Variants in CSMD1 observed in about 807,000 individuals in gnomAD.
The protein encoded by CSMD1 is CUB and sushi domain-containing protein 1.
A neutral mutation model predicts 417.5 loss-of-function variants in CSMD1; 213 were observed. The ratio of observed to expected loss-of-function variants is 0.51; its 90% CI spans 0.46 to 0.57. The LOEUF (loss-of-function observed/expected upper bound fraction) is 0.57. Among genes scored for constraint, CSMD1 ranks in the 20% least tolerant of loss-of-function variants. The pLI is 0.00. For missense variants in CSMD1, 6,923 were observed against 4,529.7 expected (o/e 1.53, Z -15.17); for synonymous variants, 2,862 against 1,736.8 (o/e 1.65, Z -16.11).
At position 2,961,130 on chromosome 8, in the gene CSMD1, T is replaced by A. The variant is rs1803438036; in HGVS notation, c.9702+11A>T. On this transcript the variant is annotated intron_variant, in intron 62 of 69. Coordinates refer to ENST00000635120, the MANE Select transcript of CSMD1 (RefSeq NM_033225.6). ...CCAGAAAGAAAACATAGTAAATTCA[T>A]AATGAACTACCTCATAGCCTCTGGA... The A allele has an allele frequency of 2.6e-6, 4 of 1,516,068 alleles. No individual in the cohort carries two copies. The South Asian group carries it at 3.9e-5, about 15-fold the overall frequency. The allele number at this position is 1,516,068 out of a possible 1,614,324, so 93.9% of individuals were successfully genotyped here. A position where few individuals can be genotyped will look rare whatever the true frequency, so the allele number is the denominator to read the frequency against.
chr8:4,202,005 C>T (rs186530504), intron 3 of CSMD1, among the ~76,000 whole-genome samples: 2 of 152,000 alleles, frequency 1.3e-5, no homozygotes, highest in Admixed American at 1.3e-4. Context: ...TGATTATACT[C>T]TGGATGAGAA....
At chr8:4,962,914 T>C (rs1809603102) in intron 1 of CSMD1, among the ~76,000 whole-genome samples, 1 of 152,172 alleles carries the variant, frequency 6.6e-6, no homozygotes, top group African/African-American at 2.4e-5. Context: ...TCCACTTTTC[T>C]GGTAGTAAAG....
intron 5 of CSMD1, among the ~76,000 whole-genome samples, chr8:3,874,660 T>C (rs1350768944): frequency 2.0e-5 from 3 of 152,134 alleles, no homozygotes; most frequent in African/African-American, 7.2e-5. Flanking sequence ...GCTGCCATGT[T>C]TTTCTCTGTG....
intron 2 of CSMD1, among the ~76,000 whole-genome samples, chr8:4,514,575 G>C (rs1219030052): frequency 6.6e-6 from 1 of 152,186 alleles, no homozygotes; most frequent in South Asian, 2.1e-4. Flanking sequence ...CTTAGCTACT[G>C]AGACCGCTTG....
intron 26 of CSMD1, among the ~76,000 whole-genome samples, chr8:3,272,898 C>G (rs564791470): frequency 6.7e-6 from 1 of 149,746 alleles, no homozygotes; most frequent in East Asian, 2.0e-4. Context: ...TTGACTTCCT[C>G]TTTTCCTAAT....
At chr8:4,815,292 C>G (rs1247728674) in intron 1 of CSMD1, among the ~76,000 whole-genome samples, 1 of 151,984 alleles carries the variant, frequency 6.6e-6, no homozygotes, top group Non-Finnish European at 1.5e-5. Context: ...GCATTTGTGT[C>G]CTTCCCTGCT....
rs190160341 is a variant in CSMD1 at position 3,696,824 on chromosome 8, A to C, written c.1009+11590T>G. Reference sequence around the variant, plus strand: ...CTTCTACTCTTTATCATTTGAATTAAAATGTATTCCCATAGTTTAAATTCC... The same window carrying C: ...CTTCTACTCTTTATCATTTGAATTACAATGTATTCCCATAGTTTAAATTCC... On this transcript the variant is annotated intron_variant, in intron 7 of 69. Transcript: ENST00000635120. Among the ~76,000 whole-genome samples, 171 of 152,332 alleles carry C rather than the reference A, an allele frequency of 1.1e-3. 1 individual carries two copies. Among genetic ancestry groups the C allele is most frequent in the Non-Finnish European group, 2.0e-3 (135 of 68,034 alleles).
At chr8:3,897,594 T>G (rs1300346201) in intron 5 of CSMD1, among the ~76,000 whole-genome samples, 1 of 151,976 alleles carries the variant, frequency 6.6e-6, no homozygotes, top group African/African-American at 2.4e-5. Flanking sequence ...AGGCTATGCA[T>G]TTTAAGTAAC....
At chr8:4,525,075 C>G (rs559168133) in intron 2 of CSMD1, among the ~76,000 whole-genome samples, 3 of 152,212 alleles carry the variant, frequency 2.0e-5, no homozygotes, top group Admixed American at 1.3e-4. Context: ...AACTGCAAGT[C>G]AAATACATCA....
At chr8:2,974,883 T>C (rs975429551) in intron 55 of CSMD1, among the ~76,000 whole-genome samples, 2 of 152,180 alleles carry the variant, frequency 1.3e-5, no homozygotes, top group African/African-American at 2.4e-5. Flanking sequence ...GAAATTTACA[T>C]GTGGATTTTC....
chr8:4,029,916 G>A (rs576203677), intron 4 of CSMD1, among the ~76,000 whole-genome samples: 17 of 152,148 alleles, frequency 1.1e-4, no homozygotes, highest in South Asian at 4.2e-4. Context: ...AGGGTCTACT[G>A]GCCCTATGTA....
At chr8:4,828,893 C>T (rs776815848) in intron 1 of CSMD1, among the ~76,000 whole-genome samples, 12 of 152,076 alleles carry the variant, frequency 7.9e-5, no homozygotes, top group Non-Finnish European at 1.3e-4. Flanking sequence ...TCCACATCCT[C>T]GTCCCAGTAC....
rs1176460384 is a variant in CSMD1 at position 3,018,535 on chromosome 8, A to C, written c.7971T>G (p.Ser2657=). The C allele has an allele frequency of 1.2e-6, 2 of 1,613,940 alleles. No individual in the cohort carries two copies. Among genetic ancestry groups the C allele is most frequent in the South Asian group, 1.1e-5 (1 of 91,084 alleles). ...TCNTGYTLVG[S]HVRECLANGL... Reference sequence around the variant, plus strand: ...CATTTGCCAAGCACTCTCTGACATGAGACCCCACAAGCGTGTAGCCGGTGT... The same window carrying C: ...CATTTGCCAAGCACTCTCTGACATGCGACCCCACAAGCGTGTAGCCGGTGT... Residue 2657 remains serine (S), a synonymous_variant, in exon 52 of 70, where the codon TCT becomes TCG. Transcript: ENST00000635120.
At chr8:4,191,080 TTAAAA>T (rs1221418953) in intron 3 of CSMD1, among the ~76,000 whole-genome samples, 4,246 of 151,974 alleles carry the variant, frequency 0.028, 216 homozygotes, top group African/African-American at 0.097. Flanking sequence ...TACACATGGA[TTAAAA>T]TAAAATAAAA....
At chr8:3,742,224 T>C (rs1240135863) in intron 6 of CSMD1, among the ~76,000 whole-genome samples, 2 of 152,168 alleles carry the variant, frequency 1.3e-5, no homozygotes, top group African/African-American at 2.4e-5. Flanking sequence ...GGATGTTCTG[T>C]AGATAGATTT....
At chr8:3,213,768 T>C (rs958434732) in intron 30 of CSMD1, among the ~76,000 whole-genome samples, 3 of 150,852 alleles carry the variant, frequency 2.0e-5, no homozygotes, top group Non-Finnish European at 4.4e-5. Context: ...TGTATATATA[T>C]GTGTGTGTGT....
intron 1 of CSMD1, among the ~76,000 whole-genome samples, chr8:4,762,849 A>G (rs1192010901): frequency 6.6e-6 from 1 of 152,218 alleles, no homozygotes; most frequent in Non-Finnish European, 1.5e-5. Flanking sequence ...TTTCTTTGGT[A>G]TGTATTGGAG....
chr8:3,857,878 T>C (rs1366358420), intron 5 of CSMD1, among the ~76,000 whole-genome samples: 1 of 152,366 alleles, frequency 6.6e-6, no homozygotes, highest in South Asian at 2.1e-4. Context: ...TTACGTGATA[T>C]GTAACAGGGA....
chr8:4,527,623 T>C (rs1796586136), intron 2 of CSMD1, among the ~76,000 whole-genome samples: 1 of 152,158 alleles, frequency 6.6e-6, no homozygotes, highest in Non-Finnish European at 1.5e-5. Flanking sequence ...ATTGCAGCCA[T>C]AGATCCCAGA....
Sources: gnomAD v4.1 joint callset for allele counts (sites outside exome capture counted in the v4.1 genomes callset) on GRCh38, gnomAD v4.1.1 for gene constraint, MANE v1.5 for transcripts, NCBI Gene and HGNC (gene_info 2026-07-23, HGNC 2026-07-21) for gene names.